Variants in MICU2 observed in about 807,000 individuals in gnomAD.
MICU2 encodes mitochondrial calcium uptake 2.
A neutral mutation model predicts 60.4 loss-of-function variants in MICU2; 64 were observed. That is an observed-to-expected ratio of 1.06 (90% CI 0.87 to 1.31). The LOEUF is 1.31. Among genes scored for constraint, MICU2 ranks in the 50% most tolerant of loss-of-function variants. The pLI is 0.00. For synonymous variants in MICU2, 201 were observed against 175.0 expected (o/e 1.15, Z -1.17); for missense variants, 569 against 531.0 (o/e 1.07, Z -0.70).
intron 1 of MICU2, among the ~76,000 whole-genome samples, chr13:21,587,002 T>C (rs1361771588): frequency 1.3e-5 from 2 of 152,220 alleles, no homozygotes; most frequent in African/African-American, 4.8e-5. Flanking sequence ...GTATAATCTA[T>C]ATCCTAGGAA....
In MICU2 at chr13:21,533,089, T is replaced by C. The variant is rs545799121; in HGVS notation, c.466+6213A>G. Among the ~76,000 whole-genome samples, 7 of 152,070 alleles carry C rather than the reference T, an allele frequency of 4.6e-5. No homozygotes were observed. The South Asian group carries it at 6.2e-4, about 14-fold the overall frequency. Reference sequence around the variant, plus strand: ...GTTGTACAGAATAGATCTATAAAGATAGCAAAGACAGACAAGATGGATGCA... The same window carrying C: ...GTTGTACAGAATAGATCTATAAAGACAGCAAAGACAGACAAGATGGATGCA... On this transcript the variant is annotated intron_variant, in intron 4 of 11. Transcript: ENST00000382374.
At position 21,577,296 on chromosome 13, in the gene MICU2, A is replaced by G. The variant is rs1025173082; in HGVS notation, c.211-10352T>C. Among the ~76,000 whole-genome samples, 3 of 152,292 alleles carry G rather than the reference A, an allele frequency of 2.0e-5. No individual in the cohort carries two copies. The South Asian group carries it at 6.2e-4, about 32-fold the overall frequency. ...TAACCACTTACTTGCCTCTAATTAA[A>G]ACACCTTACAAAGCTAAGCATGTAA... On this transcript the variant is annotated intron_variant, in intron 1 of 11. Coordinates refer to ENST00000382374, the MANE Select transcript of MICU2 (RefSeq NM_152726.3).
At chr13:21,572,126 A>G (rs1423178162) in intron 1 of MICU2, among the ~76,000 whole-genome samples, 2 of 152,256 alleles carry the variant, frequency 1.3e-5, no homozygotes, top group Non-Finnish European at 2.9e-5. Context: ...AAATACACTA[A>G]TGGTAGAAGG....
chr13:21,577,900 G>A (rs1017740964), intron 1 of MICU2, among the ~76,000 whole-genome samples: 1 of 151,136 alleles, frequency 6.6e-6, no homozygotes, highest in Admixed American at 6.6e-5. Context: ...GATCACTTGA[G>A]CTTACGAGTT....
At chr13:21,533,392 C>T (rs980116484) in intron 4 of MICU2, among the ~76,000 whole-genome samples, 6 of 149,254 alleles carry the variant, frequency 4.0e-5, no homozygotes, top group East Asian at 2.0e-4. Context: ...GGCGCAATCT[C>T]GGCTCACTGC....
intron 4 of MICU2, among the ~76,000 whole-genome samples, chr13:21,536,445 AC>A (rs1887133318): frequency 6.6e-6 from 1 of 151,764 alleles, no homozygotes; most frequent in South Asian, 2.1e-4. Context: ...CTGTCACCTC[AC>A]CCTCCCAAGT....
intron 1 of MICU2, among the ~76,000 whole-genome samples, chr13:21,596,086 CTGCAATGGAGGTACT>C (rs560438125): frequency 6.6e-6 from 1 of 152,296 alleles, no homozygotes; most frequent in East Asian, 1.9e-4. Flanking sequence ...TTGCTAAGAA[CTGCAATGGAGGTACT>C]TGCAATGGAG....
rs547423409 is a variant in MICU2, at chr13:21,541,576, T to C, written c.359-1888A>G. On this transcript the variant is annotated intron_variant, in intron 2 of 11. Coordinates refer to ENST00000382374, the MANE Select transcript of MICU2 (RefSeq NM_152726.3). ...CACAATGTCTTCTTATCCAGGTCCCTGTCTTTTGGATAAATTATTATATCC... is the reference window on the plus strand; with the variant it reads ...CACAATGTCTTCTTATCCAGGTCCCCGTCTTTTGGATAAATTATTATATCC... Among the ~76,000 whole-genome samples the C allele has an allele frequency of 3.3e-4, 50 of 152,326 alleles. 1 individual carries two copies. In the South Asian group the frequency reaches 7.9e-3, roughly 24 times the overall value.
intron 1 of MICU2, among the ~76,000 whole-genome samples, chr13:21,575,073 C>G (rs1888191690): frequency 6.6e-6 from 1 of 152,164 alleles, no homozygotes; most frequent in East Asian, 1.9e-4. Flanking sequence ...CTATGATGGT[C>G]TAGTCTAGAC....
intron 1 of MICU2, among the ~76,000 whole-genome samples, chr13:21,577,640 C>T (rs1289402621): frequency 6.6e-6 from 1 of 151,372 alleles, no homozygotes; most frequent in African/African-American, 2.4e-5. Context: ...CCTGTCTCTA[C>T]AAAAATACAA....
intron 1 of MICU2, among the ~76,000 whole-genome samples, chr13:21,575,141 A>C (rs1248282942): frequency 6.6e-6 from 1 of 151,084 alleles, no homozygotes; most frequent in African/African-American, 2.4e-5. Flanking sequence ...GGATGGTAAA[A>C]TGAAATGGCA....
chr13:21,539,200 A>G, intron 4 of MICU2, 102 bp downstream of exon 4: 1 of 973,140 alleles, frequency 1.0e-6, no homozygotes, highest in Non-Finnish European at 1.5e-6. Flanking sequence ...TTTTAAAAAC[A>G]CCTATTAAAT....
intron 8 of MICU2, among the ~76,000 whole-genome samples, chr13:21,505,282 G>T (rs1336884784): frequency 6.6e-6 from 1 of 152,134 alleles, no homozygotes; most frequent in African/African-American, 2.4e-5. Context: ...AATCACCAAA[G>T]AGAGTAGGAG....
At chr13:21,573,946 A>C (rs1334501491) in intron 1 of MICU2, among the ~76,000 whole-genome samples, 2 of 152,240 alleles carry the variant, frequency 1.3e-5, no homozygotes. Flanking sequence ...TTTCAGAAGG[A>C]GTGGAACAAA....
At chr13:21,521,413 C>G in intron 5 of MICU2, 86 bp from the exon 6 acceptor site, 1 of 956,758 alleles carries the variant, frequency 1.0e-6, no homozygotes, top group Non-Finnish European at 1.6e-6. Flanking sequence ...TTGACATACA[C>G]TAGCAGAAAC....
intron 1 of MICU2, among the ~76,000 whole-genome samples, chr13:21,595,132 G>A (rs1373850093): frequency 6.6e-6 from 1 of 152,114 alleles, no homozygotes; most frequent in Non-Finnish European, 1.5e-5. Flanking sequence ...GTCAACTGGG[G>A]GTTTCCTTGC....
intron 7 of MICU2, among the ~76,000 whole-genome samples, chr13:21,510,431 T>C (rs1249995345): frequency 1.3e-5 from 2 of 152,198 alleles, no homozygotes; most frequent in African/African-American, 4.8e-5. Context: ...AGGCCTTTAC[T>C]AATGAAGCAG....
At chr13:21,582,302 A>G (rs995033865) in intron 1 of MICU2, among the ~76,000 whole-genome samples, 5 of 152,214 alleles carry the variant, frequency 3.3e-5, no homozygotes, top group Admixed American at 6.5e-5. Flanking sequence ...ACAATAGCCA[A>G]AACTTTTAAC....
intron 8 of MICU2, among the ~76,000 whole-genome samples, chr13:21,509,010 C>A (rs1203752266): frequency 6.6e-6 from 1 of 152,178 alleles, no homozygotes; most frequent in African/African-American, 2.4e-5. Flanking sequence ...TAATTTGACA[C>A]ATAATAGCAT....
Sources: allele counts gnomAD v4.1 joint callset (sites outside exome capture counted in the v4.1 genomes callset), GRCh38; gene constraint gnomAD v4.1.1; transcripts MANE v1.5; gene names NCBI Gene and HGNC (gene_info 2026-07-23, HGNC 2026-07-21).